The following ZNF131 variants were observed in gnomAD, a reference collection of about 807,000 sequenced individuals.
ZNF131 encodes the protein zinc finger protein 131.
A neutral mutation model predicts 60.0 loss-of-function variants in ZNF131; 7 were observed. The ratio of observed to expected loss-of-function variants is 0.12; its 90% CI spans 0.07 to 0.22. ZNF131 has a LOEUF of 0.22. Among genes scored for constraint, ZNF131 ranks in the 10% least tolerant of loss-of-function variants. The pLI, the probability that ZNF131 is intolerant of heterozygous loss-of-function variation, is 1.00. For synonymous variants in ZNF131, 257 were observed against 253.2 expected, an observed-to-expected ratio of 1.01 and a Z score of -0.14; for missense variants, 493 against 740.9, an observed-to-expected ratio of 0.67 and a Z score of 3.88.
At chr5:43,131,329 C>T (rs565706700) in intron 3 of ZNF131, among the ~76,000 whole-genome samples, 32 of 152,042 alleles carry the variant, frequency 2.1e-4, no homozygotes, top group Admixed American at 3.9e-4. Flanking sequence ...TGCACCACCA[C>T]ACCCGGCTAA....
chr5:43,142,337 A>G (rs1746957535), intron 4 of ZNF131, among the ~76,000 whole-genome samples: 2 of 141,730 alleles, frequency 1.4e-5, no homozygotes, highest in Non-Finnish European at 3.1e-5. Context: ...GCAAGACTCC[A>G]TCGCCCAGAC....
At chr5:43,147,456 C>T (rs979100544) in intron 4 of ZNF131, among the ~76,000 whole-genome samples, 4 of 151,564 alleles carry the variant, frequency 2.6e-5, no homozygotes, top group South Asian at 4.1e-4. Flanking sequence ...CTCGCTCTGT[C>T]GCCCAGGCTA....
chr5:43,141,120 T>G (rs1179054585), intron 4 of ZNF131, among the ~76,000 whole-genome samples: 1 of 152,188 alleles, frequency 6.6e-6, no homozygotes, highest in African/African-American at 2.4e-5. Context: ...AGTTCAAGAT[T>G]AAACCTTTCT....
At chr5:43,146,369 G>A (rs1214863115) in intron 4 of ZNF131, among the ~76,000 whole-genome samples, 3 of 152,122 alleles carry the variant, frequency 2.0e-5, no homozygotes, top group South Asian at 4.1e-4. Context: ...GGGCGGATAT[G>A]AGGTCAGGAG....
At chr5:43,162,050 T>C in intron 5 of ZNF131, 119 bp downstream of exon 5, 2 of 964,638 alleles carry the variant, frequency 2.1e-6, no homozygotes, top group Non-Finnish European at 3.0e-6. Flanking sequence ...ATCTCTAATG[T>C]GTAGGCTAAG....
intron 4 of ZNF131, among the ~76,000 whole-genome samples, chr5:43,147,132 C>G (rs1747687536): frequency 6.6e-6 from 1 of 151,942 alleles, no homozygotes; most frequent in Non-Finnish European, 1.5e-5. Context: ...AGAGATTTGT[C>G]CAGGTGGTTG....
chr5:43,134,847 C>T (rs567246312), intron 3 of ZNF131, among the ~76,000 whole-genome samples: 74 of 149,408 alleles, frequency 5.0e-4, no homozygotes, highest in Non-Finnish European at 2.2e-4. Flanking sequence ...CAGGCTCCCC[C>T]TATCACACCC....
In ZNF131 at chr5:43,175,629, T is replaced by C. The variant is rs557488678; in HGVS notation, c.*496T>C. 1.9e-6 allele frequency: 1 copy of C among 532,380 alleles called. No individual in the cohort carries two copies. The highest frequency in any genetic ancestry group is 3.3e-5 in the East Asian group (1 of 30,300). 33.0% of individuals were successfully genotyped at this position (532,380 alleles called of 1,614,324 possible). On this transcript the variant is annotated 3_prime_UTR_variant, in exon 7 of 7. Coordinates refer to ENST00000682664, the MANE Select transcript of ZNF131 (RefSeq NM_001330707.2). ...TTAAATTTTGGCTTCTGGCTTTCTT[T>C]AGTTTGAACAAACGTTCTTGTCTAC...
Position 43,161,469 on chromosome 5 carries a change from A to C in ZNF131, c.592A>C (p.Lys198Gln). Residue 198 changes from lysine to glutamine, a missense_variant, in exon 5 of 7, where the codon AAG (lysine) becomes CAG (glutamine). By Grantham distance (53) the Lys-to-Gln change is moderately conservative. Around this residue, in one of 7 missense-constraint regions of ZNF131, gnomAD observed 138 missense variants for 158.7 expected, o/e 0.87. Transcript: ENST00000682664. ...EEVASAKQSV[K>Q]YIQSTGSSDD... Reference sequence around the variant, plus strand: ...AGTGGCTTCTGCCAAGCAGTCCGTAAAGTACATACAGAGCACAGGTTCCTC... The same window carrying C: ...AGTGGCTTCTGCCAAGCAGTCCGTACAGTACATACAGAGCACAGGTTCCTC... 4.3e-6 allele frequency: 7 copies of C among 1,614,240 alleles called. No individual in the cohort carries two copies. Among genetic ancestry groups the C allele is most frequent in the Non-Finnish European group, 5.9e-6 (7 of 1,180,042 alleles).
At chr5:43,146,120 G>A (rs1747543671) in intron 4 of ZNF131, among the ~76,000 whole-genome samples, 1 of 152,120 alleles carries the variant, frequency 6.6e-6, no homozygotes, top group Non-Finnish European at 1.5e-5. Context: ...TAATTTAGCT[G>A]GACTACTTAA....
intron 5 of ZNF131, among the ~76,000 whole-genome samples, chr5:43,164,724 C>G (rs1470749703): frequency 6.6e-6 from 1 of 152,102 alleles, no homozygotes; most frequent in African/African-American, 2.4e-5. Context: ...GTTTGGACAG[C>G]AGAATATAGG....
chr5:43,142,600 G>A (rs1000758637), intron 4 of ZNF131, among the ~76,000 whole-genome samples: 18 of 151,890 alleles, frequency 1.2e-4, no homozygotes, highest in African/African-American at 3.6e-4. Flanking sequence ...CATGGCACCC[G>A]GCCAAAAATT....
chr5:43,139,148 G>A lies in ZNF131; in HGVS notation c.227-17G>A, dbSNP rs373971814. The A allele has an allele frequency of 1.5e-5, 24 of 1,572,368 alleles. No individual in the cohort carries two copies. In the African/African-American group the frequency reaches 3.1e-4, roughly 21 times the overall value. On this transcript the variant is annotated splice_polypyrimidine_tract_variant and intron_variant, in intron 3 of 6. Coordinates refer to ENST00000682664, the MANE Select transcript of ZNF131 (RefSeq NM_001330707.2). ...AGTCAATATGATTACATGCTCTAAT[G>A]TACATCTTCTTTACAGGTGTTAGTA...
At chr5:43,172,546 C>T (rs937227141) in intron 5 of ZNF131, among the ~76,000 whole-genome samples, 18 of 150,984 alleles carry the variant, frequency 1.2e-4, no homozygotes, top group African/African-American at 3.9e-4. Context: ...CACTTGAACC[C>T]GGGAGGCGGA....
intron 5 of ZNF131, chr5:43,168,118 T>C: frequency 2.9e-6 from 1 of 340,120 alleles, no homozygotes; most frequent in Non-Finnish European, 5.8e-6. Flanking sequence ...ATTAATTCAT[T>C]GATCCATGAA....
In ZNF131 at chr5:43,132,831, A is replaced by G. The variant is rs80346823; in HGVS notation, c.227-6334A>G. Among the ~76,000 whole-genome samples the G allele has an allele frequency of 2.1e-3, 325 of 152,252 alleles. 10 individuals carry two copies. The East Asian group carries it at 0.04, about 19-fold the overall frequency. On this transcript the variant is annotated intron_variant, in intron 3 of 6. Coordinates refer to ENST00000682664, the MANE Select transcript of ZNF131 (RefSeq NM_001330707.2). The stretch of plus-strand genomic sequence containing the variant: ...CCCAGCCAGGAACGTTTCTTTACAC[A>G]AATAGAGGATACTGCTTTGAACACT...
intron 4 of ZNF131, among the ~76,000 whole-genome samples, chr5:43,145,538 C>A (rs1446984096): frequency 6.6e-6 from 1 of 152,034 alleles, no homozygotes; most frequent in Non-Finnish European, 1.5e-5. Context: ...CCTGTAATCC[C>A]AGTTTTCACA....
intron 4 of ZNF131, among the ~76,000 whole-genome samples, chr5:43,151,421 T>C (rs1401218748): frequency 1.3e-5 from 2 of 152,078 alleles, no homozygotes; most frequent in African/African-American, 4.8e-5. Context: ...TAGGTGTAAG[T>C]CGTCATTTTG....
At chr5:43,153,463 TAAAAAAAAAA>T (rs35596507) in intron 4 of ZNF131, among the ~76,000 whole-genome samples, 61 of 61,168 alleles carry the variant, frequency 1.0e-3, no homozygotes, top group African/African-American at 4.3e-3. Context: ...CCATCTCTAC[TAAAAAAAAAA>T]AAAAAAAAAA....
Sources: gnomAD v4.1 joint callset for allele counts (sites outside exome capture counted in the v4.1 genomes callset) on GRCh38, gnomAD v4.1.1 for gene constraint, gnomAD v4.1.1 regional missense constraint, MANE v1.5 for transcripts, NCBI Gene and HGNC (gene_info 2026-07-23, HGNC 2026-07-21) for gene names.